PCDH15: variants seen among roughly 807,000 people sequenced by gnomAD.
PCDH15 encodes the protein protocadherin-15.
In PCDH15, 129 loss-of-function variants were observed where a neutral mutation model predicts 178.5. The observed-to-expected ratio is 0.72, with a 90% CI of 0.63 to 0.84. The LOEUF is 0.84. Ranked by LOEUF, PCDH15 falls within the 40% of genes least tolerant of loss-of-function variation. PCDH15 has a pLI of 0.00. For missense variants in PCDH15, 2,230 were observed against 2,099.9 expected (o/e 1.06, Z -1.21); for synonymous variants, 800 against 732.0 (o/e 1.09, Z -1.50).
At chr10:54,410,887 C>T (rs548376590) in intron 3 of PCDH15, among the ~76,000 whole-genome samples, 1 of 66,924 alleles carries the variant, frequency 1.5e-5, no homozygotes, top group South Asian at 5.0e-4. Flanking sequence ...ACCGAGCTGG[C>T]ATTGTTGAAT....
intron 11 of PCDH15, among the ~76,000 whole-genome samples, chr10:54,193,436 C>T (rs2049236287): frequency 6.6e-6 from 1 of 152,188 alleles, no homozygotes; most frequent in Non-Finnish European, 1.5e-5. Flanking sequence ...CCTAAGCTAT[C>T]ATACACTTTC....
chr10:54,521,126 T>C (rs2082816083), intron 3 of PCDH15, among the ~76,000 whole-genome samples: 1 of 150,768 alleles, frequency 6.6e-6, no homozygotes, highest in Non-Finnish European at 1.5e-5. Flanking sequence ...GATGAGTTAA[T>C]GGGTGCAGTA....
intron 1 of PCDH15, among the ~76,000 whole-genome samples, chr10:55,234,090 T>C (rs1841305171): frequency 6.6e-6 from 1 of 152,038 alleles, no homozygotes; most frequent in Non-Finnish European, 1.5e-5. Context: ...TCTTTACATA[T>C]ACACCCTTCC....
At chr10:54,319,723 T>TG (rs892812432) in intron 7 of PCDH15, among the ~76,000 whole-genome samples, 4 of 152,058 alleles carry the variant, frequency 2.6e-5, no homozygotes, top group African/African-American at 7.3e-5. Context: ...GTATTTTTTT[T>TG]TTTTTGTTCA....
chr10:53,973,403 C>T (rs1050676784), intron 21 of PCDH15, among the ~76,000 whole-genome samples: 2 of 151,846 alleles, frequency 1.3e-5, no homozygotes, highest in East Asian at 3.9e-4. Context: ...AACAAACCTG[C>T]ACGTTGTGCA....
At chr10:54,284,986 G>A (rs1474723081) in intron 8 of PCDH15, among the ~76,000 whole-genome samples, 1 of 152,018 alleles carries the variant, frequency 6.6e-6, no homozygotes, top group African/African-American at 2.4e-5. Flanking sequence ...AGTAAAATAT[G>A]GCTTTATGTT....
chr10:54,056,145 TG>T (rs1045344002), intron 18 of PCDH15, among the ~76,000 whole-genome samples: 4 of 152,176 alleles, frequency 2.6e-5, no homozygotes, highest in Non-Finnish European at 5.9e-5. Context: ...TACATATTTA[TG>T]GGGTACATGT....
intron 2 of PCDH15, among the ~76,000 whole-genome samples, chr10:55,337,179 A>C (rs1169099093): frequency 7.2e-5 from 11 of 152,242 alleles, no homozygotes; most frequent in African/African-American, 2.7e-4. Context: ...CTAAAATCTC[A>C]GATGATAAAA....
intron 2 of PCDH15, among the ~76,000 whole-genome samples, chr10:55,331,849 TAA>T (rs767084516): frequency 1.3e-5 from 2 of 152,084 alleles, no homozygotes; most frequent in African/African-American, 2.4e-5. Context: ...TTCAATAGTG[TAA>T]ATCTCACTCA....
intron 26 of PCDH15, among the ~76,000 whole-genome samples, chr10:53,893,478 G>A (rs1288978694): frequency 6.6e-6 from 1 of 152,182 alleles, no homozygotes; most frequent in Non-Finnish European, 1.5e-5. Context: ...GTCATTATAT[G>A]AAAAAGGTAC....
intron 33 of PCDH15, among the ~76,000 whole-genome samples, chr10:53,819,536 T>C (rs2076181282): frequency 6.6e-6 from 1 of 152,038 alleles, no homozygotes; most frequent in South Asian, 2.1e-4. Flanking sequence ...ATGCAATTCA[T>C]AATCAATTGT....
intron 2 of PCDH15, among the ~76,000 whole-genome samples, chr10:54,622,676 A>AT (rs2093412483): frequency 1.3e-5 from 1 of 77,456 alleles, no homozygotes; most frequent in Non-Finnish European, 2.4e-5. Context: ...TATTATATAT[A>AT]ATATATATTA....
chr10:55,614,659 A>G (rs535379358), intron 2 of PCDH15, among the ~76,000 whole-genome samples: 1 of 152,298 alleles, frequency 6.6e-6, no homozygotes, highest in East Asian at 1.9e-4. Flanking sequence ...TTTTCTATTG[A>G]TGTTAAAAGT....
intron 2 of PCDH15, among the ~76,000 whole-genome samples, chr10:55,008,291 A>T (rs1288078455): frequency 6.6e-6 from 1 of 151,962 alleles, no homozygotes; most frequent in Non-Finnish European, 1.5e-5. Context: ...CTTTATGTTT[A>T]ACTCTATGGG....
chr10:55,145,149 T>C (rs1407324751), intron 2 of PCDH15, among the ~76,000 whole-genome samples: 1 of 151,948 alleles, frequency 6.6e-6, no homozygotes, highest in African/African-American at 2.4e-5. Flanking sequence ...ACACTTGAAA[T>C]ATATTTAGAT....
intron 2 of PCDH15, among the ~76,000 whole-genome samples, chr10:55,066,691 T>G (rs1841572797): frequency 6.6e-6 from 1 of 150,950 alleles, no homozygotes. Flanking sequence ...TAATTTGATA[T>G]GCAGTGTTCT....
rs1440206534 is a variant in PCDH15, at chr10:53,831,513, A to G, written c.4004T>C (p.Leu1335Pro). The G allele has an allele frequency of 6.2e-7, 1 of 1,613,940 alleles. No homozygotes were observed. The highest frequency in any genetic ancestry group is 8.5e-7 in the Non-Finnish European group (1 of 1,179,856). ...ELFKFLDGKLLDINKDFQPYY... is the reference protein window; with the variant it reads ...ELFKFLDGKLPDINKDFQPYY... The stretch of plus-strand genomic sequence containing the variant: ...CGGCTGAAAGTCTTTATTGATATCA[A>G]GTAGTTTGCCATCCAAAAATCTTTA... Residue 1335 changes from leucine (L) to proline (P), a missense_variant, in exon 30 of 38, where the codon CTT becomes CCT. Leu to Pro is a moderately conservative substitution (Grantham distance 98, BLOSUM62 -3). Transcript: ENST00000644397.
chr10:55,272,152 T>G (rs1842461766), intron 1 of PCDH15, among the ~76,000 whole-genome samples: 1 of 151,892 alleles, frequency 6.6e-6, no homozygotes, highest in African/African-American at 2.4e-5. Flanking sequence ...ATCCAGAAGC[T>G]TATGCCAATT....
intron 3 of PCDH15, among the ~76,000 whole-genome samples, chr10:54,419,393 T>C (rs1028615868): frequency 6.6e-6 from 1 of 152,142 alleles, no homozygotes; most frequent in Non-Finnish European, 1.5e-5. Context: ...TGTGTAGCTC[T>C]ACCTCTAATT....
Sources: gnomAD v4.1 joint callset for allele counts (sites outside exome capture counted in the v4.1 genomes callset) on GRCh38, gnomAD v4.1.1 for gene constraint, MANE v1.5 for transcripts, NCBI Gene and HGNC (gene_info 2026-07-23, HGNC 2026-07-21) for gene names.